Variants in DNAAF9 observed in about 807,000 individuals in gnomAD.
DNAAF9 encodes the protein shulin.
In DNAAF9, 90 loss-of-function variants were observed where a neutral mutation model predicts 167.0. The ratio of observed to expected loss-of-function variants is 0.54; its 90% CI spans 0.45 to 0.64. DNAAF9 has a LOEUF of 0.64. Ranked by LOEUF, DNAAF9 falls within the 30% of genes least tolerant of loss-of-function variation. The pLI, the probability that DNAAF9 is intolerant of heterozygous loss-of-function variation, is 0.00. For synonymous variants in DNAAF9, 491 were observed against 508.8 expected, an observed-to-expected ratio of 0.96 and a Z score of 0.47; for missense variants, 1,315 against 1,442.2, an observed-to-expected ratio of 0.91 and a Z score of 1.43.
intron 20 of DNAAF9, among the ~76,000 whole-genome samples, chr20:3,312,230 C>T (rs534165914): frequency 3.9e-5 from 6 of 152,186 alleles, no homozygotes; most frequent in South Asian, 4.1e-4. Flanking sequence ...TCAGGTGATT[C>T]GCCCGCCTTG....
chr20:3,255,125 A>G (rs909885580), intron 35 of DNAAF9, 94 bp downstream of exon 35: 7 of 735,788 alleles, frequency 9.5e-6, no homozygotes, highest in Non-Finnish European at 1.4e-5. Flanking sequence ...TGTCCTACAA[A>G]CAGCTCCTCA....
chr20:3,318,843 T>C (rs546277978), intron 16 of DNAAF9, among the ~76,000 whole-genome samples: 118 of 151,752 alleles, frequency 7.8e-4, no homozygotes, highest in African/African-American at 2.6e-3. Flanking sequence ...CTTTGGGAGG[T>C]TGAGGCGGGT....
intron 27 of DNAAF9, among the ~76,000 whole-genome samples, chr20:3,282,975 AT>A (rs1405564896): frequency 1.3e-5 from 2 of 152,020 alleles, no homozygotes; most frequent in African/African-American, 4.8e-5. Context: ...CTATTTTCTC[AT>A]TTATTTGTTT....
intron 6 of DNAAF9, among the ~76,000 whole-genome samples, chr20:3,365,713 T>C (rs1328942212): frequency 6.6e-6 from 1 of 152,114 alleles, no homozygotes; most frequent in Non-Finnish European, 1.5e-5. Flanking sequence ...TTACCCACAG[T>C]AGAACTTTTT....
intron 7 of DNAAF9, among the ~76,000 whole-genome samples, chr20:3,357,247 G>A (rs1002850473): frequency 9.2e-5 from 14 of 152,108 alleles, no homozygotes; most frequent in Non-Finnish European, 1.6e-4. Flanking sequence ...CGAGGTGGGC[G>A]GACCACTTAA....
intron 15 of DNAAF9, 123 bp downstream of exon 15, chr20:3,322,529 C>A: frequency 1.2e-6 from 1 of 855,402 alleles, no homozygotes; most frequent in Non-Finnish European, 2.0e-6. Context: ...CCAAGCCCAA[C>A]CCTGGAGTGA....
intron 21 of DNAAF9, among the ~76,000 whole-genome samples, chr20:3,301,178 C>CTTTTTTTTTTTTTTTTTT (rs11469332): frequency 2.4e-5 from 3 of 125,154 alleles, no homozygotes; most frequent in Non-Finnish European, 3.3e-5. Flanking sequence ...TCATGCTTGG[C>CTTTTTTTTTTTTTTTTTT]TTTTTTTTTT....
At chr20:3,293,626 A>T (rs2122930096) in intron 25 of DNAAF9, among the ~76,000 whole-genome samples, 1 of 141,068 alleles carries the variant, frequency 7.1e-6, no homozygotes. Context: ...CGGAGGTTGC[A>T]GTGAGCCGAG....
At position 3,362,126 on chromosome 20, in the gene DNAAF9, G is replaced by A. The variant is rs1474556296; in HGVS notation, c.613-2533C>T. 8 of 1,386,500 alleles carry A rather than the reference G, an allele frequency of 5.8e-6. No individual in the cohort carries two copies. In the East Asian group the frequency reaches 1.6e-4, roughly 28 times the overall value. 85.9% of individuals were successfully genotyped at this position (1,386,500 alleles called of 1,614,324 possible). The stretch of plus-strand genomic sequence containing the variant: ...TATTTAGGTCCATATTCTATTTTAA[G>A]GCTGTATATTCGGTTTTCATAAATT... On this transcript the variant is annotated intron_variant, in intron 6 of 36. Coordinates refer to ENST00000252032, the MANE Select transcript of DNAAF9 (RefSeq NM_001009984.3).
chr20:3,397,730 A>G (rs1052462331), intron 1 of DNAAF9, among the ~76,000 whole-genome samples: 6 of 146,204 alleles, frequency 4.1e-5, no homozygotes, highest in African/African-American at 7.6e-5. Flanking sequence ...GGGGGGGGGG[A>G]ACATCTACCA....
At chr20:3,277,924 T>C (rs755705262) in intron 29 of DNAAF9, among the ~76,000 whole-genome samples, 32 of 152,214 alleles carry the variant, frequency 2.1e-4, no homozygotes, top group Non-Finnish European at 1.2e-4. Context: ...CCCTGCGGAC[T>C]GGCAATACGA....
At chr20:3,375,366 TAAC>T (rs2083561813) in intron 4 of DNAAF9, among the ~76,000 whole-genome samples, 1 of 152,132 alleles carries the variant, frequency 6.6e-6, no homozygotes, top group Non-Finnish European at 1.5e-5. Flanking sequence ...ATGCAAGAGA[TAAC>T]ACTTTTCCCC....
At chr20:3,383,674 G>T (rs1207630415) in intron 1 of DNAAF9, among the ~76,000 whole-genome samples, 1 of 151,738 alleles carries the variant, frequency 6.6e-6, no homozygotes, top group Non-Finnish European at 1.5e-5. Context: ...ATGAAGCCAG[G>T]CATCATCCCC....
chr20:3,353,818 T>C lies in DNAAF9; in HGVS notation c.691-5195A>G, dbSNP rs1168772991. Among the ~76,000 whole-genome samples the C allele has an allele frequency of 3.3e-5, 5 of 152,092 alleles. No homozygotes were observed. In the East Asian group the frequency reaches 5.8e-4, roughly 18 times the overall value. ...GCAATACCAATTCTCTGCTAACTTG[T>C]AGGTGAAAAACGCAGTGTGCTTTAG... On this transcript the variant is annotated intron_variant, in intron 7 of 36. Transcript: ENST00000252032.
chr20:3,338,456 A>G (rs1341141484), intron 10 of DNAAF9, among the ~76,000 whole-genome samples: 2 of 151,926 alleles, frequency 1.3e-5, no homozygotes, highest in Admixed American at 6.6e-5. Flanking sequence ...ACACATAGAT[A>G]TTTTGGGATT....
At chr20:3,396,268 G>A (rs2083905587) in intron 1 of DNAAF9, among the ~76,000 whole-genome samples, 1 of 152,220 alleles carries the variant, frequency 6.6e-6, no homozygotes, top group South Asian at 2.1e-4. Flanking sequence ...AGTTCTAACA[G>A]TTTTGTCTAT....
chr20:3,296,631 T>C, intron 23 of DNAAF9: 1 of 495,232 alleles, frequency 2.0e-6, no homozygotes, highest in Non-Finnish European at 3.6e-6. Flanking sequence ...TCCTCCTGCC[T>C]CAGCCTCCCA....
intron 20 of DNAAF9, among the ~76,000 whole-genome samples, chr20:3,312,633 A>C (rs568896495): frequency 1.7e-4 from 26 of 152,266 alleles, no homozygotes; most frequent in African/African-American, 5.1e-4. Context: ...CACTAAAGAC[A>C]CTTGAACTTC....
rs773040205 is a variant in DNAAF9, at chr20:3,252,311, T to C, written c.*261A>G. On this transcript the variant is annotated 3_prime_UTR_variant, in exon 37 of 37. Transcript: ENST00000252032. ...TATCAGAAACCCAGAGCTCCTGGAC[T>C]GCCAGTTGCACACGTAGACGGGCAG... is the stretch of plus-strand genomic sequence containing the variant. The C allele has an allele frequency of 2.4e-4, 82 of 342,868 alleles. No homozygotes were observed. The highest frequency in any genetic ancestry group is 4.2e-4 in the Non-Finnish European group (77 of 184,620). The allele number at this position is 342,868 out of a possible 1,614,324, so 21.2% of individuals were successfully genotyped here.
Sources: gnomAD v4.1 joint callset for allele counts (sites outside exome capture counted in the v4.1 genomes callset) on GRCh38, gnomAD v4.1.1 for gene constraint, MANE v1.5 for transcripts, NCBI Gene and HGNC (gene_info 2026-07-23, HGNC 2026-07-21) for gene names.